The following VIPR1 variants were observed in gnomAD, a reference collection of about 807,000 sequenced individuals.
The protein encoded by VIPR1 is vasoactive intestinal polypeptide receptor 1.
VIPR1 carries 59 observed loss-of-function variants against 58.8 expected under a neutral mutation model. That is an observed-to-expected ratio of 1.00 (90% CI 0.81 to 1.25). The LOEUF (loss-of-function observed/expected upper bound fraction) is 1.25. VIPR1 is among the 50% of genes most tolerant of loss of function. VIPR1 has a pLI of 0.00. For missense variants in VIPR1, 626 were observed against 602.7 expected, an observed-to-expected ratio of 1.04 and a Z score of -0.40; for synonymous variants, 251 against 242.1, an observed-to-expected ratio of 1.04 and a Z score of -0.34.
At chr3:42,533,962 A>G (rs1408585599) in intron 10 of VIPR1, 1 of 152,398 alleles carries the variant, frequency 6.6e-6, no homozygotes, top group African/African-American at 2.4e-5. Context: ...TCTCCTAGCC[A>G]GGGAGCAATG....
chr3:42,497,022 T>C (rs17030440), intron 1 of VIPR1, among the ~76,000 whole-genome samples: 8,571 of 152,256 alleles, frequency 0.056, 639 homozygotes, highest in African/African-American at 0.18. Context: ...GCATCAATTA[T>C]GTTAAACTCC....
chr3:42,527,574 A>G, intron 5 of VIPR1, 78 bp downstream of exon 5: 1 of 1,426,166 alleles, frequency 7.0e-7, no homozygotes, highest in Admixed American at 1.7e-5. Flanking sequence ...AGCGTGGCCC[A>G]GGCGTGCCCC....
chr3:42,525,783 T>C, intron 3 of VIPR1, 104 bp from the exon 4 acceptor site: 1 of 1,193,700 alleles, frequency 8.4e-7, no homozygotes, highest in Non-Finnish European at 1.2e-6. Flanking sequence ...AGCACCAGGG[T>C]TGGTGGGAGT....
At chr3:42,519,659 G>A (rs1013890584) in intron 3 of VIPR1, 1 of 213,364 alleles carries the variant, frequency 4.7e-6, no homozygotes. Flanking sequence ...GATGCCTGGA[G>A]CCTATGACCT....
intron 1 of VIPR1, among the ~76,000 whole-genome samples, chr3:42,491,538 A>G (rs910032702): frequency 1.3e-5 from 2 of 152,140 alleles, no homozygotes; most frequent in African/African-American, 2.4e-5. Context: ...CACTTCATGT[A>G]TTTTGAAGCT....
chr3:42,533,373 T>G (rs528312545), intron 10 of VIPR1: 1 of 130,508 alleles, frequency 7.7e-6, no homozygotes, highest in Non-Finnish European at 1.6e-5. Flanking sequence ...CATTCTCTCC[T>G]GCCAGGTGTG....
chr3:42,530,054 C>T (rs417387), intron 6 of VIPR1: 61,384 of 149,634 alleles, frequency 0.41, 12,880 homozygotes, highest in East Asian at 0.57. Context: ...CCCTCCACTC[C>T]CCCACATTGA....
intron 10 of VIPR1, 107 bp from the exon 11 acceptor site, chr3:42,534,868 G>C (rs1577261535): frequency 5.6e-6 from 8 of 1,424,696 alleles, no homozygotes; most frequent in African/African-American, 1.4e-5. Context: ...CATACTTCCT[G>C]GTCATTGTCC....
At chr3:42,495,787 C>A (rs1355354996) in intron 1 of VIPR1, among the ~76,000 whole-genome samples, 6 of 151,638 alleles carry the variant, frequency 4.0e-5, no homozygotes, top group Admixed American at 2.6e-4. Flanking sequence ...CAATGGCCAG[C>A]AAAAAAGTAG....
In VIPR1 at chr3:42,530,911, G is replaced by C; in HGVS notation, c.769G>C (p.Gly257Arg). The change falls in exon 7 of 13, where the codon GGG (glycine) becomes CGG (arginine). Residue 257 changes from glycine (G) to arginine (R), a missense_variant. Gly to Arg is a moderately radical substitution (Grantham distance 125). Transcript: ENST00000325123. ...SFFSERKYFW[G>R]YILIGWGVPS... ...CTTCTCTGAGCGGAAGTACTTCTGGGGGTACATACTCATCGGCTGGGGTAT... is the reference window on the plus strand; with the variant it reads ...CTTCTCTGAGCGGAAGTACTTCTGGCGGTACATACTCATCGGCTGGGGTAT... 1 of 1,614,018 alleles carries C rather than the reference G, an allele frequency of 6.2e-7. No homozygotes were observed. Among genetic ancestry groups the C allele is most frequent in the Non-Finnish European group, 8.5e-7 (1 of 1,179,926 alleles).
chr3:42,528,018 C>CCACATGCACCTCTT lies in VIPR1; in HGVS notation c.534_547dup (p.Ile183ThrfsTer10), dbSNP rs1166478093. 5.6e-6 allele frequency: 9 copies of CCACATGCACCTCTT among 1,614,088 alleles called. No homozygotes were observed. Among genetic ancestry groups the CCACATGCACCTCTT allele is most frequent in the Non-Finnish European group, 7.6e-6 (9 of 1,179,970 alleles). On this transcript the variant is annotated frameshift_variant, in exon 6 of 13. Transcript: ENST00000325123. LOFTEE classifies it high-confidence loss of function. ...AGCTCCACTGCACGCGGAACTACAT[C>CCACATGCACCTCTT]CACATGCACCTCTTCATATCCTTCA... is the stretch of plus-strand genomic sequence containing the variant.
Position 42,525,918 on chromosome 3 carries a change from A to G in VIPR1, c.324A>G (p.Glu108=), listed in dbSNP as rs1173121512. Residue 108 remains glutamate (E), a synonymous_variant, in exon 4 of 13, where the codon GAA becomes GAG. Transcript: ENST00000325123. ...GRNVSRSCTD[E]GWTHLEPGPY... ...ATGTAAGCCGCAGCTGCACCGACGA[A>G]GGCTGGACGCACCTGGAGCCTGGCC... 8.1e-6 allele frequency: 13 copies of G among 1,613,288 alleles called. No homozygotes were observed. Among genetic ancestry groups the G allele is most frequent in the Non-Finnish European group, 1.1e-5 (13 of 1,179,748 alleles).
intron 1 of VIPR1, among the ~76,000 whole-genome samples, chr3:42,503,873 G>T (rs977870198): frequency 6.6e-6 from 1 of 152,102 alleles, no homozygotes; most frequent in African/African-American, 2.4e-5. Context: ...GGAGGGTGAG[G>T]AATCTTGATT....
At chr3:42,508,416 G>C (rs557019182) in intron 1 of VIPR1, among the ~76,000 whole-genome samples, 1 of 152,322 alleles carries the variant, frequency 6.6e-6, no homozygotes, top group South Asian at 2.1e-4. Flanking sequence ...CTCGTGAAGA[G>C]GGGCTACTAC....
exon 1 of VIPR1, chr3:42,489,450 A>C (rs1287627548): frequency 1.3e-5 from 2 of 152,228 alleles, no homozygotes. Flanking sequence ...TACTGGAGCC[A>C]GAGCGGAGTA....
chr3:42,528,188 C>G (rs1701341410), intron 6 of VIPR1, 65 bp downstream of exon 6: 1 of 1,565,766 alleles, frequency 6.4e-7, no homozygotes, highest in African/African-American at 1.3e-5. Flanking sequence ...CTGTAATCTC[C>G]TCTTCTCCCC....
rs573909097 is a variant in VIPR1, at chr3:42,514,401, G to A, written c.184+547G>A. 1.4e-4 allele frequency among the ~76,000 whole-genome samples: 21 copies of A among 152,096 alleles called. No homozygotes were observed. The East Asian group carries it at 2.9e-3, about 21-fold the overall frequency. ...AGCTCAAAGCCATCTTAGTGGTCCC[G>A]AGCAAGAAGGGGCACAAGTTTTGTC... On this transcript the variant is annotated intron_variant, in intron 2 of 12. Coordinates refer to ENST00000325123, the MANE Select transcript of VIPR1 (RefSeq NM_004624.4).
rs767436010 is a variant in VIPR1 at position 42,531,518 on chromosome 3, T to C, written c.838T>C (p.Phe280Leu). 7.5e-6 allele frequency: 12 copies of C among 1,597,062 alleles called. No homozygotes were observed. The South Asian group carries it at 1.4e-4, about 18-fold the overall frequency. Residue 280 changes from phenylalanine (F) to leucine (L), a missense_variant, in exon 8 of 13, where the codon TTT (phenylalanine) becomes CTT (leucine). By Grantham distance (22) the Phe-to-Leu change is conservative. Transcript: ENST00000325123. ...GGTGTGGACCATCGCCAGGATCCAT[T>C]TTGAGGATTATGGGTGAGCTGCTGC... is the stretch of plus-strand genomic sequence containing the variant. ...TMVWTIARIH[F>L]EDYGCWDTIN... is the part of the protein sequence containing the mutation.
intron 2 of VIPR1, 117 bp from the exon 3 acceptor site, chr3:42,519,106 C>T (rs1577226775): frequency 2.5e-6 from 2 of 800,734 alleles, no homozygotes; most frequent in Non-Finnish European, 3.7e-6. Flanking sequence ...ACTGGAGGCT[C>T]CTTGAGGTGG....
Sources: gnomAD v4.1 joint callset for allele counts (sites outside exome capture counted in the v4.1 genomes callset) on GRCh38, gnomAD v4.1.1 for gene constraint, MANE v1.5 for transcripts, NCBI Gene and HGNC (gene_info 2026-07-23, HGNC 2026-07-21) for gene names.